The following ME2 variants were observed in gnomAD, a reference collection of about 807,000 sequenced individuals.
ME2 encodes NAD-dependent malic enzyme, mitochondrial.
Under a neutral mutation model 73.7 loss-of-function variants are expected in ME2, and 60 were observed. The observed-to-expected ratio is 0.81, with a 90% CI of 0.66 to 1.01. The LOEUF is 1.01. Ranked by LOEUF, ME2 falls within the 50% of genes least tolerant of loss-of-function variation. ME2 has a pLI of 0.00. For missense variants in ME2, 594 were observed against 705.5 expected, an observed-to-expected ratio of 0.84 and a Z score of 1.79; for synonymous variants, 199 against 236.9, an observed-to-expected ratio of 0.84 and a Z score of 1.47.
In ME2 at chr18:50,924,215, A is replaced by G. The variant is rs763601229; in HGVS notation, c.1171+3A>G. The G allele has an allele frequency of 6.3e-6, 10 of 1,580,628 alleles. 1 individual carries two copies. In the South Asian group the frequency reaches 1.1e-4, roughly 18 times the overall value. Reference sequence around the variant, plus strand: ...ACTGAAGCCTTCAACTATAATTGGTAGGTAAAGTTTTTCTGATAAATAATT... The same window carrying G: ...ACTGAAGCCTTCAACTATAATTGGTGGGTAAAGTTTTTCTGATAAATAATT... On this transcript the variant is annotated splice_donor_region_variant and intron_variant, in intron 11 of 15. Coordinates refer to ENST00000321341, the MANE Select transcript of ME2 (RefSeq NM_002396.5).
rs1918267808 is a variant in ME2, at chr18:50,953,600, C to T, written c.*6416C>T. On this transcript the variant is annotated 3_prime_UTR_variant, in exon 16 of 16. Coordinates refer to ENST00000321341, the MANE Select transcript of ME2 (RefSeq NM_002396.5). ...ACATCTTTTGATTTGGTAATCTTCACAGAATCAACAACTGTTAACACTTCT... is the reference window on the plus strand; with the variant it reads ...ACATCTTTTGATTTGGTAATCTTCATAGAATCAACAACTGTTAACACTTCT... 6.6e-6 allele frequency: 1 copy of T among 152,180 alleles called. No homozygotes were observed. The highest frequency in any genetic ancestry group is 6.5e-5 in the Admixed American group (1 of 15,276). 9.4% of individuals were successfully genotyped at this position (152,180 alleles called of 1,614,324 possible).
At position 50,917,403 on chromosome 18, in the gene ME2, T is replaced by G. The variant is rs775946578; in HGVS notation, c.525T>G (p.Tyr175Ter). Residue 175 changes from tyrosine (Y) to a stop codon, truncating the protein, a stop_gained, in exon 6 of 16, where the codon TAT becomes TAG. Transcript: ENST00000321341. LOFTEE classifies it high-confidence loss of function. ...TGGGTCTTGGAGATCTGGGTGTCTA[T>G]GGAATGGGAATTCCAGTAGGAAAAC... is the stretch of plus-strand genomic sequence containing the variant. ...RILGLGDLGV[Y>*]GMGIPVGKLC... is the part of the protein sequence containing the mutation. 1.9e-6 allele frequency: 3 copies of G among 1,613,722 alleles called. No homozygotes were observed. Among genetic ancestry groups the G allele is most frequent in the Non-Finnish European group, 2.5e-6 (3 of 1,179,752 alleles).
At chr18:50,885,076 G>T (rs367736212) in intron 1 of ME2, among the ~76,000 whole-genome samples, 1 of 151,668 alleles carries the variant, frequency 6.6e-6, no homozygotes, top group Non-Finnish European at 1.5e-5. Flanking sequence ...GTCTGATCCC[G>T]AACTCCTGGT....
At chr18:50,923,734 C>G (rs576586272) in intron 10 of ME2, among the ~76,000 whole-genome samples, 57 of 152,210 alleles carry the variant, frequency 3.7e-4, no homozygotes, top group Non-Finnish European at 7.1e-4. Context: ...TACCCCATTT[C>G]AAAATAAATA....
Position 50,951,450 on chromosome 18 carries a change from T to A in ME2, c.*4266T>A, listed in dbSNP as rs945532218. 1 of 152,150 alleles carries A rather than the reference T, an allele frequency of 6.6e-6. No individual in the cohort carries two copies. The highest frequency in any genetic ancestry group is 2.4e-5 in the African/African-American group (1 of 41,440). 9.4% of individuals were successfully genotyped at this position (152,150 alleles called of 1,614,324 possible). A position where few individuals can be genotyped will look rare whatever the true frequency, so the allele number is the denominator to read the frequency against. ...CCAGTCAGTATCCTTCAAGGATAAC[T>A]TTTTCATACCTTTTTTTTGGTTTGT... On this transcript the variant is annotated 3_prime_UTR_variant, in exon 16 of 16. Transcript: ENST00000321341.
intron 15 of ME2, among the ~76,000 whole-genome samples, chr18:50,946,086 T>A (rs911651564): frequency 6.7e-6 from 1 of 149,920 alleles, no homozygotes; most frequent in African/African-American, 2.5e-5. Flanking sequence ...AATAAATAAA[T>A]CCATAACAGA....
chr18:50,881,954 T>C (rs1468347930), intron 1 of ME2, among the ~76,000 whole-genome samples: 4 of 152,190 alleles, frequency 2.6e-5, no homozygotes, highest in Non-Finnish European at 5.9e-5. Flanking sequence ...AGGTTGTGAT[T>C]TACTCAGCAT....
At chr18:50,940,114 T>C in intron 14 of ME2, 174 bp from the exon 15 acceptor site, 2 of 573,324 alleles carry the variant, frequency 3.5e-6, no homozygotes, top group Non-Finnish European at 6.2e-6. Context: ...TGGTTATTTA[T>C]TGTTTAGTGA....
rs1053718990 is a variant in ME2 at position 50,949,492 on chromosome 18, C to T, written c.*2308C>T. On this transcript the variant is annotated 3_prime_UTR_variant, in exon 16 of 16. Transcript: ENST00000321341. The stretch of plus-strand genomic sequence containing the variant: ...TGGACTAAAGGTGTGCACCACCGCA[C>T]CTGGCTGAGAGGCTTCTGTTTTTCA... 1 of 152,106 alleles carries T rather than the reference C, an allele frequency of 6.6e-6. No homozygotes were observed. Among genetic ancestry groups the T allele is most frequent in the Non-Finnish European group, 1.5e-5 (1 of 68,028 alleles). The allele number at this position is 152,106 out of a possible 1,614,324, so 9.4% of individuals were successfully genotyped here. A position where few individuals can be genotyped will look rare whatever the true frequency, so the allele number is the denominator to read the frequency against.
At chr18:50,885,197 G>C (rs1916430487) in intron 1 of ME2, among the ~76,000 whole-genome samples, 1 of 152,174 alleles carries the variant, frequency 6.6e-6, no homozygotes, top group African/African-American at 2.4e-5. Flanking sequence ...TCTCCTGGAA[G>C]AGCCACATAA....
At chr18:50,894,232 C>A in intron 1 of ME2, among the ~76,000 whole-genome samples, 1 of 152,190 alleles carries the variant, frequency 6.6e-6, no homozygotes, top group Non-Finnish European at 1.5e-5. Context: ...TGGAGTGTTT[C>A]AGTGTCCAGG....
chr18:50,925,244 C>T (rs911709891), intron 11 of ME2, among the ~76,000 whole-genome samples: 3 of 151,994 alleles, frequency 2.0e-5, no homozygotes, highest in Admixed American at 6.6e-5. Flanking sequence ...TCTGGGAGGC[C>T]GAGGCAGGCG....
chr18:50,930,784 C>T (rs1035819872), intron 12 of ME2, among the ~76,000 whole-genome samples: 2 of 152,096 alleles, frequency 1.3e-5, no homozygotes, highest in Non-Finnish European at 2.9e-5. Context: ...ATTGTGATAA[C>T]ATGTATGACA....
At chr18:50,929,175 T>C (rs1790501) in intron 12 of ME2, among the ~76,000 whole-genome samples, 38 of 150,108 alleles carry the variant, frequency 2.5e-4, no homozygotes, top group Middle Eastern at 3.4e-3. Flanking sequence ...TTTTTTTTTT[T>C]CCCATTGTTA....
intron 13 of ME2, chr18:50,933,227 CTCTT>C (rs1317984837): frequency 1.3e-5 from 2 of 152,264 alleles, no homozygotes; most frequent in African/African-American, 2.4e-5. Context: ...CCTCAGTTGT[CTCTT>C]TCTTTTAAGC....
chr18:50,927,126 C>T (rs1420203297), intron 12 of ME2, among the ~76,000 whole-genome samples: 1 of 152,154 alleles, frequency 6.6e-6, no homozygotes, highest in African/African-American at 2.4e-5. Flanking sequence ...CTATAAATCA[C>T]TTGACATTTG....
chr18:50,949,145 C>T lies in ME2; in HGVS notation c.*1961C>T, dbSNP rs902548580. 6.6e-6 allele frequency: 1 copy of T among 152,140 alleles called. No individual in the cohort carries two copies. The highest frequency in any genetic ancestry group is 1.5e-5 in the Non-Finnish European group (1 of 68,030). The allele number at this position is 152,140 out of a possible 1,614,324, so 9.4% of individuals were successfully genotyped here. On this transcript the variant is annotated 3_prime_UTR_variant, in exon 16 of 16. Coordinates refer to ENST00000321341, the MANE Select transcript of ME2 (RefSeq NM_002396.5). ...GTGAGCCACCACACCTGGTCCAATTCATCATAATTCTGAATATAATTTAAT... is the reference window on the plus strand; with the variant it reads ...GTGAGCCACCACACCTGGTCCAATTTATCATAATTCTGAATATAATTTAAT...
rs1055459285 is a variant in ME2 at position 50,954,203 on chromosome 18, T to C, written c.*7019T>C. The C allele has an allele frequency of 3.9e-5, 6 of 152,246 alleles. No individual in the cohort carries two copies. Among genetic ancestry groups the C allele is most frequent in the African/African-American group, 1.4e-4 (6 of 41,470 alleles). The allele number at this position is 152,246 out of a possible 1,614,324, so 9.4% of individuals were successfully genotyped here. On this transcript the variant is annotated 3_prime_UTR_variant, in exon 16 of 16. Coordinates refer to ENST00000321341, the MANE Select transcript of ME2 (RefSeq NM_002396.5). ...TTATTTTTTCTCTGTTGTGATATGT[T>C]GTAATGAGATGTGTGTTCTTATATT...
At chr18:50,906,709 T>G (rs1164525493) in intron 2 of ME2, among the ~76,000 whole-genome samples, 1 of 152,214 alleles carries the variant, frequency 6.6e-6, no homozygotes, top group East Asian at 1.9e-4. Flanking sequence ...GACAAAGACT[T>G]AAATGCTTGG....
Sources: gnomAD v4.1 joint callset for allele counts (sites outside exome capture counted in the v4.1 genomes callset) on GRCh38, gnomAD v4.1.1 for gene constraint, MANE v1.5 for transcripts, NCBI Gene and HGNC (gene_info 2026-07-23, HGNC 2026-07-21) for gene names.